NXN: variants seen among roughly 807,000 people sequenced by gnomAD.
NXN encodes the protein nucleoredoxin, also known as nucleoredoxin 1.
A neutral mutation model predicts 48.6 loss-of-function variants in NXN; 16 were observed. The ratio of observed to expected loss-of-function variants is 0.33; its 90% confidence interval spans 0.22 to 0.50. NXN has a LOEUF of 0.50. Ranked by LOEUF, NXN falls within the 20% of genes least tolerant of loss-of-function variation. NXN has a pLI of 0.98. For missense variants in NXN, 492 were observed against 605.5 expected, an observed-to-expected ratio of 0.81 and a Z score of 1.97; for synonymous variants, 281 against 269.6, an observed-to-expected ratio of 1.04 and a Z score of -0.41.
chr17:918,788 C>CAA lies in NXN; in HGVS notation c.360+60529_360+60530dup, dbSNP rs565543862. Among the ~76,000 whole-genome samples, 246 of 45,456 alleles carry CAA rather than the reference C, an allele frequency of 5.4e-3. 2 individuals are homozygous for CAA. The highest frequency in any genetic ancestry group is 7.6e-3 in the African/African-American group (85 of 11,166). The allele number at this position is 45,456 out of a possible 152,430, so 29.8% of individuals were successfully genotyped here. On this transcript the variant is annotated intron_variant, in intron 1 of 7. Transcript: ENST00000336868. ...AGCCTGGGAGACAGAGACTCAGTCT[C>CAA]AAAAAAAAAAAAAGGCCGGGGGTGG...
intron 1 of NXN, among the ~76,000 whole-genome samples, chr17:901,946 T>C (rs972629524): frequency 6.6e-6 from 1 of 152,062 alleles, no homozygotes; most frequent in Non-Finnish European, 1.5e-5. Context: ...GTGATCCACC[T>C]GCCTCAGCCT....
At chr17:835,286 A>T (rs1433819913) in intron 1 of NXN, among the ~76,000 whole-genome samples, 14 of 150,604 alleles carry the variant, frequency 9.3e-5, no homozygotes, top group South Asian at 2.1e-4. Context: ...CCAGCCTGGA[A>T]GACAGACCGA....
intron 1 of NXN, among the ~76,000 whole-genome samples, chr17:885,481 AAAAAG>A (rs1303105164): frequency 4.6e-4 from 69 of 148,462 alleles, no homozygotes; most frequent in Admixed American, 3.2e-3. Context: ...CAATCTCAAA[AAAAAG>A]AAAAGAAAAG....
intron 1 of NXN, among the ~76,000 whole-genome samples, chr17:872,186 CAAGAG>C (rs1459694902): frequency 7.1e-6 from 1 of 141,686 alleles, no homozygotes; most frequent in Non-Finnish European, 1.5e-5. Context: ...GAATCAAAGA[CAAGAG>C]GAGAGGGAGG....
At chr17:834,317 G>A (rs1913665699) in intron 1 of NXN, among the ~76,000 whole-genome samples, 1 of 152,184 alleles carries the variant, frequency 6.6e-6, no homozygotes, top group Non-Finnish European at 1.5e-5. Flanking sequence ...GCAAGACCCT[G>A]TCTCAAAAGG....
intron 1 of NXN, among the ~76,000 whole-genome samples, chr17:881,201 GGAGCAAGTGC>G (rs1335034994): frequency 6.6e-6 from 1 of 152,226 alleles, no homozygotes; most frequent in Non-Finnish European, 1.5e-5. Flanking sequence ...GTGAGGACGT[GGAGCAAGTGC>G]GAGTCTCACA....
chr17:858,728 C>CAA (rs756256561), intron 1 of NXN, among the ~76,000 whole-genome samples: 5 of 121,954 alleles, frequency 4.1e-5, no homozygotes, highest in African/African-American at 1.2e-4. Context: ...GACTCCGTCT[C>CAA]AAAAAAAAAA....
intron 1 of NXN, among the ~76,000 whole-genome samples, chr17:931,011 C>T (rs1017834785): frequency 2.0e-5 from 3 of 152,112 alleles, no homozygotes; most frequent in South Asian, 2.1e-4. Context: ...CCTCATGATC[C>T]GCCCGACTCA....
chr17:835,273 A>G (rs539937763), intron 1 of NXN, among the ~76,000 whole-genome samples: 16 of 149,514 alleles, frequency 1.1e-4, no homozygotes, highest in Non-Finnish European at 4.4e-5. Flanking sequence ...GTGCCACTGC[A>G]CTCCAGCCTG....
At chr17:943,443 G>A (rs920919678) in intron 1 of NXN, among the ~76,000 whole-genome samples, 17 of 152,146 alleles carry the variant, frequency 1.1e-4, no homozygotes, top group Admixed American at 8.5e-4. Flanking sequence ...TTCCCCACGT[G>A]CCGTAACTTT....
At chr17:836,851 G>A (rs1913851364) in intron 1 of NXN, among the ~76,000 whole-genome samples, 1 of 152,146 alleles carries the variant, frequency 6.6e-6, no homozygotes, top group South Asian at 2.1e-4. Context: ...TGTGGCCCAG[G>A]CAAAATCATG....
At chr17:888,992 A>G (rs1239806797) in intron 1 of NXN, among the ~76,000 whole-genome samples, 1 of 150,156 alleles carries the variant, frequency 6.7e-6, no homozygotes, top group Non-Finnish European at 1.5e-5. Context: ...AGATTGACGG[A>G]GCCACTTGAA....
intron 1 of NXN, among the ~76,000 whole-genome samples, chr17:858,684 G>A (rs557150318): frequency 2.0e-5 from 3 of 151,330 alleles, no homozygotes; most frequent in Admixed American, 6.6e-5. Context: ...AGACAAGATC[G>A]CGCCACTGCA....
chr17:867,053 G>A (rs1221480645), intron 1 of NXN, among the ~76,000 whole-genome samples: 1 of 131,686 alleles, frequency 7.6e-6, no homozygotes, highest in Non-Finnish European at 1.6e-5. Context: ...AGCTTGGTCA[G>A]CAAGTTCTCG....
chr17:917,332 G>A lies in NXN; in HGVS notation c.360+61987C>T, dbSNP rs569339377. ...AATTTTTTGTATTTTTAGTAGAGAC[G>A]GGGTTTCACCATGTTGGCCAGGCTG... On this transcript the variant is annotated intron_variant, in intron 1 of 7. Coordinates refer to ENST00000336868, the MANE Select transcript of NXN (RefSeq NM_022463.5). The surrounding 1 kb of genome is among the most constrained non-coding windows in gnomAD (Gnocchi z 4.5). 5.1e-4 allele frequency among the ~76,000 whole-genome samples: 77 copies of A among 152,264 alleles called. No homozygotes were observed. The highest frequency in any genetic ancestry group is 1.8e-3 in the African/African-American group (74 of 41,570).
intron 1 of NXN, among the ~76,000 whole-genome samples, chr17:940,554 C>T (rs1243172534): frequency 6.6e-6 from 1 of 152,260 alleles, no homozygotes; most frequent in African/African-American, 2.4e-5. Flanking sequence ...CCTTTCACCA[C>T]TCAGAACCAG....
At chr17:896,551 C>G (rs1044640031) in intron 1 of NXN, among the ~76,000 whole-genome samples, 6 of 152,178 alleles carry the variant, frequency 3.9e-5, no homozygotes, top group African/African-American at 1.4e-4. Flanking sequence ...ATTCCCGTAC[C>G]TCTCCCTGTT....
Position 959,157 on chromosome 17 carries a change from G to A in NXN, c.360+20162C>T, listed in dbSNP as rs576292036. On this transcript the variant is annotated intron_variant, in intron 1 of 7. Transcript: ENST00000336868. The stretch of plus-strand genomic sequence containing the variant: ...AGCAACAAGAGCCGAGCGCCCCTAC[G>A]GAAGGCTGGAGAGGTGGTTCCCCGC... The A allele has an allele frequency of 7.5e-5, 51 of 679,632 alleles. 1 individual carries two copies. The highest frequency in any genetic ancestry group is 5.3e-4 in the South Asian group (16 of 30,028). 42.1% of individuals were successfully genotyped at this position (679,632 alleles called of 1,614,324 possible). A position where few individuals can be genotyped will look rare whatever the true frequency, so the allele number is the denominator to read the frequency against.
At chr17:876,582 C>T (rs865810600) in intron 1 of NXN, among the ~76,000 whole-genome samples, 3 of 152,204 alleles carry the variant, frequency 2.0e-5, no homozygotes, top group African/African-American at 7.2e-5. Flanking sequence ...GAGATTCTCT[C>T]TTAAGCCCAG....
Sources: gnomAD v4.1 joint callset for allele counts (sites outside exome capture counted in the v4.1 genomes callset) on GRCh38, gnomAD v4.1.1 for gene constraint, Gnocchi (gnomAD v3.1) non-coding constraint, MANE v1.5 for transcripts, NCBI Gene and HGNC (gene_info 2026-07-23, HGNC 2026-07-21) for gene names.